TMTC2: variants seen among roughly 807,000 people sequenced by gnomAD.
TMTC2 encodes transmembrane O-mannosyltransferase targeting cadherins 2.
Under a neutral mutation model 82.4 loss-of-function variants are expected in TMTC2, and 43 were observed. The observed-to-expected ratio is 0.52, with a 90% CI of 0.41 to 0.67. The LOEUF is 0.67. Among genes scored for constraint, TMTC2 ranks in the 30% least tolerant of loss-of-function variants. The probability of loss-of-function intolerance (pLI) is 0.00; values close to 1 mark genes in which losing one functional copy is unlikely to be tolerated. For synonymous variants in TMTC2, 408 were observed against 381.9 expected, an observed-to-expected ratio of 1.07 and a Z score of -0.80; for missense variants, 919 against 1,012.4, an observed-to-expected ratio of 0.91 and a Z score of 1.25.
chr12:82,786,015 T>C (rs1053847833), intron 1 of TMTC2, among the ~76,000 whole-genome samples: 11 of 152,084 alleles, frequency 7.2e-5, no homozygotes, highest in Non-Finnish European at 1.6e-4. Flanking sequence ...GGGGCTACAG[T>C]CTTTTAAGTG....
intron 11 of TMTC2, among the ~76,000 whole-genome samples, chr12:83,104,758 C>T (rs1884340395): frequency 6.6e-6 from 1 of 152,250 alleles, no homozygotes; most frequent in Non-Finnish European, 1.5e-5. Flanking sequence ...TTTGGTTCTG[C>T]AAATACCTCT....
chr12:82,739,014 G>A (rs1875256166), intron 1 of TMTC2, among the ~76,000 whole-genome samples: 1 of 151,848 alleles, frequency 6.6e-6, no homozygotes, highest in African/African-American at 2.4e-5. Flanking sequence ...CAGGTGTGGT[G>A]GCGCACACCT....
intron 1 of TMTC2, among the ~76,000 whole-genome samples, chr12:82,780,182 T>A (rs1877825075): frequency 6.6e-6 from 1 of 152,174 alleles, no homozygotes; most frequent in South Asian, 2.1e-4. Context: ...TATAAGATTT[T>A]TGCTAATATT....
intron 9 of TMTC2, among the ~76,000 whole-genome samples, chr12:83,046,746 A>G (rs1882154128): frequency 6.6e-6 from 1 of 152,076 alleles, no homozygotes. Flanking sequence ...GCAGCGATTC[A>G]ATGCCTTATT....
chr12:82,743,626 A>G (rs1030122828), intron 1 of TMTC2, among the ~76,000 whole-genome samples: 1 of 151,972 alleles, frequency 6.6e-6, no homozygotes, highest in Non-Finnish European at 1.5e-5. Flanking sequence ...TCCATGTCCA[A>G]TTTTGATCTT....
intron 1 of TMTC2, among the ~76,000 whole-genome samples, chr12:82,735,631 C>T (rs941682717): frequency 1.5e-4 from 22 of 149,936 alleles, no homozygotes; most frequent in South Asian, 6.7e-4. Context: ...AGGCGTGAGC[C>T]ACCGCACCCA....
chr12:82,905,180 A>C (rs1186215326), intron 3 of TMTC2, among the ~76,000 whole-genome samples: 3 of 152,130 alleles, frequency 2.0e-5, no homozygotes, highest in Non-Finnish European at 4.4e-5. Context: ...CTCTTCCCTG[A>C]AATCAACTTC....
intron 1 of TMTC2, among the ~76,000 whole-genome samples, chr12:82,811,107 T>C (rs1195938066): frequency 6.6e-6 from 1 of 152,040 alleles, no homozygotes; most frequent in East Asian, 1.9e-4. Flanking sequence ...TGGCCTGTAA[T>C]CCCAGCTACT....
At chr12:82,893,957 G>T (rs191726704) in intron 2 of TMTC2, among the ~76,000 whole-genome samples, 1 of 152,152 alleles carries the variant, frequency 6.6e-6, no homozygotes, top group Non-Finnish European at 1.5e-5. Context: ...GAGATGGAGA[G>T]AAAAAGGACA....
chr12:82,911,601 T>C (rs1306835340), intron 3 of TMTC2, among the ~76,000 whole-genome samples: 1 of 152,012 alleles, frequency 6.6e-6, no homozygotes, highest in African/African-American at 2.4e-5. Context: ...TTCTTATTTA[T>C]TTTTTTCTTT....
intron 11 of TMTC2, among the ~76,000 whole-genome samples, chr12:83,108,829 T>C (rs1884503809): frequency 6.6e-6 from 1 of 152,178 alleles, no homozygotes; most frequent in Non-Finnish European, 1.5e-5. Flanking sequence ...CAAGTGAAGA[T>C]TGTCTTTCAA....
At chr12:82,855,256 T>G (rs1871200376) in intron 1 of TMTC2, among the ~76,000 whole-genome samples, 1 of 152,222 alleles carries the variant, frequency 6.6e-6, no homozygotes, top group Admixed American at 6.5e-5. Flanking sequence ...ATGGGTTTCT[T>G]AATCTGCTGA....
chr12:83,103,818 A>G (rs1377997663), intron 11 of TMTC2, among the ~76,000 whole-genome samples: 4 of 152,356 alleles, frequency 2.6e-5, no homozygotes, highest in Admixed American at 2.0e-4. Flanking sequence ...CTCATCTGAC[A>G]TAAGTCAAAT....
chr12:82,975,571 G>C (rs1592668775), intron 7 of TMTC2, among the ~76,000 whole-genome samples: 1 of 152,300 alleles, frequency 6.6e-6, no homozygotes, highest in South Asian at 2.1e-4. Flanking sequence ...TTCATTAAAA[G>C]TTGGATGAAT....
At chr12:82,846,677 C>T (rs975500203) in intron 1 of TMTC2, among the ~76,000 whole-genome samples, 1 of 152,124 alleles carries the variant, frequency 6.6e-6, no homozygotes. Context: ...ACTTAGCATT[C>T]GTAGAATTTT....
intron 8 of TMTC2, among the ~76,000 whole-genome samples, chr12:82,994,319 A>G (rs1379789323): frequency 6.6e-6 from 1 of 152,028 alleles, no homozygotes; most frequent in Non-Finnish European, 1.5e-5. Flanking sequence ...GGGCCCGGAT[A>G]ATTTTAGTAA....
At chr12:83,011,510 T>C (rs1880458401) in intron 8 of TMTC2, among the ~76,000 whole-genome samples, 1 of 152,224 alleles carries the variant, frequency 6.6e-6, no homozygotes, top group African/African-American at 2.4e-5. Flanking sequence ...TTGTTATTTA[T>C]GTCTTTGTAT....
chr12:83,049,815 C>T (rs1318056419), intron 9 of TMTC2, among the ~76,000 whole-genome samples: 1 of 152,154 alleles, frequency 6.6e-6, no homozygotes, highest in East Asian at 1.9e-4. Context: ...TGCAACCTTG[C>T]CAGCATCTGT....
At chr12:83,036,541 A>G (rs1881672133) in intron 9 of TMTC2, among the ~76,000 whole-genome samples, 1 of 149,432 alleles carries the variant, frequency 6.7e-6, no homozygotes, top group African/African-American at 2.5e-5. Flanking sequence ...TCCTAATTAC[A>G]TTTGACTGAG....
Sources: gnomAD v4.1 joint callset for allele counts (sites outside exome capture counted in the v4.1 genomes callset) on GRCh38, gnomAD v4.1.1 for gene constraint, MANE v1.5 for transcripts, NCBI Gene and HGNC (gene_info 2026-07-23, HGNC 2026-07-21) for gene names.